The following SYNPR variants were observed in gnomAD, a reference collection of about 807,000 sequenced individuals.
SYNPR encodes synaptoporin.
A neutral mutation model predicts 32.9 loss-of-function variants in SYNPR; 23 were observed. That is an observed-to-expected ratio of 0.70 (90% confidence interval 0.50 to 0.99). SYNPR has a LOEUF of 0.99. Ranked by LOEUF, SYNPR falls within the 50% of genes least tolerant of loss-of-function variation. SYNPR has a pLI of 0.00. For missense variants in SYNPR, 318 were observed against 349.3 expected, an observed-to-expected ratio of 0.91 and a Z score of 0.71; for synonymous variants, 146 against 135.9, an observed-to-expected ratio of 1.07 and a Z score of -0.52.
At chr3:63,419,797 CA>C (rs2088584041) in intron 2 of SYNPR, among the ~76,000 whole-genome samples, 1 of 152,002 alleles carries the variant, frequency 6.6e-6, no homozygotes, top group African/African-American at 2.4e-5. Flanking sequence ...TGTGAAGGAT[CA>C]AAAAGGGCTC....
At chr3:63,345,338 G>A (rs2087423963) in intron 2 of SYNPR, among the ~76,000 whole-genome samples, 1 of 152,202 alleles carries the variant, frequency 6.6e-6, no homozygotes, top group African/African-American at 2.4e-5. Flanking sequence ...AATGAGCAAA[G>A]GTAGCTTGTG....
At chr3:63,551,869 C>CTAGCTATTTATT (rs1288589524) in intron 3 of SYNPR, among the ~76,000 whole-genome samples, 9 of 144,854 alleles carry the variant, frequency 6.2e-5, no homozygotes, top group African/African-American at 2.3e-4. Context: ...CAGCATCTAG[C>CTAGCTATTTATT]TATTTATTTA....
intron 3 of SYNPR, among the ~76,000 whole-genome samples, chr3:63,550,334 CGT>C (rs1032329432): frequency 4.0e-5 from 6 of 151,040 alleles, no homozygotes; most frequent in African/African-American, 1.5e-4. Context: ...GTTACATATA[CGT>C]GTGTGTATAT....
At chr3:63,518,774 A>G (rs6805951) in intron 3 of SYNPR, among the ~76,000 whole-genome samples, 38,627 of 152,042 alleles carry the variant, frequency 0.25, 5,209 homozygotes, top group African/African-American at 0.35. Context: ...TATTACCATC[A>G]GATAGTGAAA....
chr3:63,535,289 A>C (rs1223742034), intron 3 of SYNPR, among the ~76,000 whole-genome samples: 1 of 152,192 alleles, frequency 6.6e-6, no homozygotes, highest in Non-Finnish European at 1.5e-5. Flanking sequence ...ATATTGTGAT[A>C]CTAAAAATAT....
At chr3:63,498,370 T>C (rs962839959) in intron 3 of SYNPR, among the ~76,000 whole-genome samples, 13 of 152,020 alleles carry the variant, frequency 8.6e-5, no homozygotes, top group Admixed American at 5.9e-4. Flanking sequence ...GCAAGATTGA[T>C]TGGGGCCTTC....
At chr3:63,535,877 A>G (rs1008717108) in intron 3 of SYNPR, among the ~76,000 whole-genome samples, 6 of 152,110 alleles carry the variant, frequency 3.9e-5, no homozygotes, top group Admixed American at 2.0e-4. Flanking sequence ...GGGCTAGGCA[A>G]TCATTTCTTA....
intron 4 of SYNPR, among the ~76,000 whole-genome samples, chr3:63,600,448 T>C (rs1700023995): frequency 6.6e-6 from 1 of 152,158 alleles, no homozygotes; most frequent in Non-Finnish European, 1.5e-5. Context: ...TGTCAGGTTA[T>C]TTGTTCCCAC....
rs569105702 is a variant in SYNPR at position 63,308,306 on chromosome 3, A to T, written c.84+29564A>T. Among the ~76,000 whole-genome samples, 14 of 152,134 alleles carry T rather than the reference A, an allele frequency of 9.2e-5. 1 individual carries two copies. In the South Asian group the frequency reaches 2.7e-3, roughly 29 times the overall value. On this transcript the variant is annotated intron_variant, in intron 2 of 5. Transcript: ENST00000478300. ...CAAACATACAGCGGATATTCAATGGATGTTCTCTTAAGCAAATTTTATTGA... is the reference window on the plus strand; with the variant it reads ...CAAACATACAGCGGATATTCAATGGTTGTTCTCTTAAGCAAATTTTATTGA...
In SYNPR at chr3:63,312,081, A is replaced by G. The variant is rs114620558; in HGVS notation, c.84+33339A>G. Among the ~76,000 whole-genome samples the G allele has an allele frequency of 6.1e-3, 933 of 152,142 alleles. 13 individuals are homozygous for G. The highest frequency in any genetic ancestry group is 0.02 in the African/African-American group (837 of 41,546). On this transcript the variant is annotated intron_variant, in intron 2 of 5. Coordinates refer to ENST00000478300, the MANE Select transcript of SYNPR (RefSeq NM_001130003.2). The stretch of plus-strand genomic sequence containing the variant: ...CTCCATTAGCAATATGACAAATTCT[A>G]ATGTGCAAAAATGAAATAAATCCGG...
Position 63,528,923 on chromosome 3 carries a change from A to G in SYNPR, c.210-27620A>G, listed in dbSNP as rs369094862. 2.0e-5 allele frequency among the ~76,000 whole-genome samples: 3 copies of G among 152,278 alleles called. No individual in the cohort carries two copies. The East Asian group carries it at 5.8e-4, about 29-fold the overall frequency. Reference sequence around the variant, plus strand: ...CCTCCAATAATTTGAGAAATAAGTGATCCATAGAATTGACACCCAAAAGAA... The same window carrying G: ...CCTCCAATAATTTGAGAAATAAGTGGTCCATAGAATTGACACCCAAAAGAA... On this transcript the variant is annotated intron_variant, in intron 3 of 5. Transcript: ENST00000478300.
At chr3:63,242,305 C>T (rs566862600) in intron 1 of SYNPR, among the ~76,000 whole-genome samples, 2 of 152,028 alleles carry the variant, frequency 1.3e-5, no homozygotes, top group Admixed American at 6.6e-5. Flanking sequence ...ATGCCTGTAC[C>T]GAGAGGGTAC....
At chr3:63,597,868 T>A (rs1274227221) in intron 4 of SYNPR, among the ~76,000 whole-genome samples, 1 of 152,212 alleles carries the variant, frequency 6.6e-6, no homozygotes, top group Non-Finnish European at 1.5e-5. Context: ...ACTTGTCCTG[T>A]CTATCCATTT....
intron 4 of SYNPR, among the ~76,000 whole-genome samples, chr3:63,565,414 G>A (rs188161391): frequency 1.3e-4 from 20 of 152,282 alleles, no homozygotes; most frequent in Admixed American, 3.3e-4. Context: ...CTGCCTCCAA[G>A]ATGGTGCGTT....
At chr3:63,283,593 T>G (rs1182805497) in intron 2 of SYNPR, among the ~76,000 whole-genome samples, 6 of 151,676 alleles carry the variant, frequency 4.0e-5, no homozygotes, top group Non-Finnish European at 7.4e-5. Context: ...GAAAACTAAG[T>G]TGGCATAGTC....
intron 2 of SYNPR, among the ~76,000 whole-genome samples, chr3:63,415,417 AT>A (rs34865189): frequency 0.33 from 49,032 of 149,024 alleles, 9,293 homozygotes; most frequent in Middle Eastern, 0.46. Context: ...AGAATTAAGA[AT>A]TTTTTTTTTT....
chr3:63,382,860 G>A (rs775809147), intron 2 of SYNPR, among the ~76,000 whole-genome samples: 28 of 152,246 alleles, frequency 1.8e-4, no homozygotes, highest in Non-Finnish European at 3.4e-4. Flanking sequence ...TTGAAGAGAG[G>A]AGGGGTTTTG....
At chr3:63,417,549 C>T (rs2107126565) in intron 2 of SYNPR, among the ~76,000 whole-genome samples, 1 of 152,364 alleles carries the variant, frequency 6.6e-6, no homozygotes, top group African/African-American at 2.4e-5. Flanking sequence ...CCCTACATTT[C>T]CCTTCTGCAC....
chr3:63,302,232 C>G (rs1363511121), intron 2 of SYNPR, among the ~76,000 whole-genome samples: 1 of 151,908 alleles, frequency 6.6e-6, no homozygotes, highest in African/African-American at 2.4e-5. Flanking sequence ...AGTTGCCCTC[C>G]TTGTGTGAGT....
Sources: gnomAD v4.1 joint callset for allele counts (sites outside exome capture counted in the v4.1 genomes callset) on GRCh38, gnomAD v4.1.1 for gene constraint, MANE v1.5 for transcripts, NCBI Gene and HGNC (gene_info 2026-07-23, HGNC 2026-07-21) for gene names.